ITGAE: variants seen among roughly 807,000 people sequenced by gnomAD.
ITGAE encodes the protein integrin alpha-E.
A neutral mutation model predicts 136.5 loss-of-function variants in ITGAE; 99 were observed. That is an observed-to-expected ratio of 0.73 (90% CI 0.62 to 0.86). ITGAE has a LOEUF of 0.86. Among genes scored for constraint, ITGAE ranks in the 40% least tolerant of loss-of-function variants. The probability of loss-of-function intolerance (pLI) is 0.00; values close to 1 mark genes in which losing one functional copy is unlikely to be tolerated. For synonymous variants in ITGAE, 613 were observed against 591.8 expected (o/e 1.04, Z -0.52); for missense variants, 1,447 against 1,515.3 (o/e 0.95, Z 0.75).
At position 3,727,990 on chromosome 17, in the gene ITGAE, A is replaced by C. The variant is rs774690655; in HGVS notation, c.3013T>G (p.Leu1005Val). ...GENLFGAEYQ[L>V]QICVPTKLRG... ...AATTTGGTTGGGACGCAAATTTGCA[A>C]CTGGTATTCTGCTCCAAAGAGGTTC... The change falls in exon 26 of 31, where the codon TTG (leucine) becomes GTG (valine). Residue 1005 changes from leucine to valine, a missense_variant. Leu to Val is a conservative substitution (Grantham distance 32). Around this residue, in one of 3 missense-constraint regions of ITGAE, gnomAD observed 1,031 missense variants for 1,011.4 expected, o/e 1.02. Coordinates refer to ENST00000263087, the MANE Select transcript of ITGAE (RefSeq NM_002208.5). 5.6e-6 allele frequency: 9 copies of C among 1,614,008 alleles called. No homozygotes were observed. The highest frequency in any genetic ancestry group is 1.7e-6 in the Non-Finnish European group (2 of 1,179,966).
intron 26 of ITGAE, among the ~76,000 whole-genome samples, chr17:3,727,460 C>T (rs1221285328): frequency 6.7e-6 from 1 of 150,290 alleles, no homozygotes; most frequent in East Asian, 1.9e-4. Flanking sequence ...AGTGCAGTGG[C>T]AGGATCTCGG....
intron 17 of ITGAE, among the ~76,000 whole-genome samples, chr17:3,746,286 A>T (rs2051711791): frequency 6.6e-6 from 1 of 151,556 alleles, no homozygotes; most frequent in Non-Finnish European, 1.5e-5. Flanking sequence ...TGCGGAGAAA[A>T]ACCCCAGGAC....
chr17:3,744,909 C>G (rs191040861), intron 18 of ITGAE, among the ~76,000 whole-genome samples: 2 of 152,318 alleles, frequency 1.3e-5, no homozygotes. Context: ...GCATGATTCT[C>G]TGGTAGAGAA....
chr17:3,725,405 TG>T (rs1455662607), intron 26 of ITGAE: 2 of 1,614,050 alleles, frequency 1.2e-6, no homozygotes, highest in Non-Finnish European at 1.7e-6. Flanking sequence ...GTGAGAAGAT[TG>T]GGGAAGGGGT....
chr17:3,773,034 T>G (rs1287806409), intron 2 of ITGAE, among the ~76,000 whole-genome samples: 2 of 152,198 alleles, frequency 1.3e-5, no homozygotes, highest in Non-Finnish European at 2.9e-5. Flanking sequence ...CCCACAAGAC[T>G]GCTCCTAACT....
chr17:3,779,652 A>G (rs1251367509), intron 1 of ITGAE, among the ~76,000 whole-genome samples: 1 of 152,192 alleles, frequency 6.6e-6, no homozygotes, highest in Non-Finnish European at 1.5e-5. Context: ...AAAATGCATC[A>G]AAATATAAGA....
Position 3,747,967 on chromosome 17 carries a change from G to A in ITGAE, c.2110C>T (p.Arg704Cys), listed in dbSNP as rs189112267. Residue 704 changes from arginine to cysteine, a missense_variant, in exon 17 of 31, where the codon CGT becomes TGT. Arg to Cys is a radical substitution (Grantham distance 180, BLOSUM62 -3). Around this residue, in one of 3 missense-constraint regions of ITGAE, gnomAD observed 1,031 missense variants for 1,011.4 expected, o/e 1.02. Transcript: ENST00000263087. ...PIGFNGVVNV[R>C]LCFEISSVTT... is the part of the protein sequence containing the mutation. The stretch of plus-strand genomic sequence containing the variant: ...ACAGAGCTGATTTCAAAACATAAAC[G>A]GACATTCACGACGCCGTTGAAGCCG... The A allele has an allele frequency of 4.2e-5, 67 of 1,612,042 alleles. No individual in the cohort carries two copies. Among genetic ancestry groups the A allele is most frequent in the Middle Eastern group, 1.7e-4 (1 of 6,044 alleles).
At chr17:3,762,460 G>GGTA (rs1484214100) in intron 3 of ITGAE, among the ~76,000 whole-genome samples, 1 of 152,034 alleles carries the variant, frequency 6.6e-6, no homozygotes, top group Non-Finnish European at 1.5e-5. Flanking sequence ...GGGCAGAAAT[G>GGTA]GTAGCTCCTT....
intron 1 of ITGAE, among the ~76,000 whole-genome samples, chr17:3,785,170 G>C (rs2052754250): frequency 6.6e-6 from 1 of 151,588 alleles, no homozygotes; most frequent in Admixed American, 6.6e-5. Context: ...AAAAAAGAAA[G>C]AAAGGGAAGA....
At chr17:3,743,659 G>C in intron 18 of ITGAE, 42 bp from the exon 19 acceptor site, 1 of 1,577,534 alleles carries the variant, frequency 6.3e-7, no homozygotes, top group South Asian at 1.2e-5. Context: ...GTTGGATGTG[G>C]GGGAGAAGAT....
At chr17:3,800,127 A>G (rs1407203889) in intron 1 of ITGAE, among the ~76,000 whole-genome samples, 2 of 152,208 alleles carry the variant, frequency 1.3e-5, no homozygotes, top group Admixed American at 1.3e-4. Context: ...AAAAAATAAA[A>G]TAAAATAAAA....
intron 1 of ITGAE, among the ~76,000 whole-genome samples, chr17:3,787,691 T>C (rs925800099): frequency 2.3e-4 from 32 of 137,958 alleles, no homozygotes; most frequent in Non-Finnish European, 4.3e-4. Context: ...TGGTTTTCTC[T>C]TTTTTTTTTT....
chr17:3,748,387 A>C (rs556713150), intron 16 of ITGAE, among the ~76,000 whole-genome samples: 42 of 152,294 alleles, frequency 2.8e-4, no homozygotes, highest in African/African-American at 9.4e-4. Flanking sequence ...GGGGTTCGAG[A>C]CCAGCCTGGC....
intron 2 of ITGAE, among the ~76,000 whole-genome samples, chr17:3,775,251 C>T (rs558460515): frequency 6.6e-6 from 1 of 152,210 alleles, no homozygotes; most frequent in South Asian, 2.1e-4. Context: ...ACCTGCCAAC[C>T]TTTGTATATT....
intron 1 of ITGAE, among the ~76,000 whole-genome samples, chr17:3,797,028 A>G (rs1028566352): frequency 1.3e-5 from 2 of 149,394 alleles, no homozygotes; most frequent in African/African-American, 5.0e-5. Flanking sequence ...AGCCTCATCA[A>G]CTCCACCCCA....
intron 11 of ITGAE, 108 bp from the exon 12 acceptor site, chr17:3,755,369 G>C: frequency 7.7e-7 from 1 of 1,293,950 alleles, no homozygotes. Flanking sequence ...GGAGCAGGGG[G>C]GCGTTCGGTG....
chr17:3,786,382 C>T (rs980721375), intron 1 of ITGAE, among the ~76,000 whole-genome samples: 7 of 152,094 alleles, frequency 4.6e-5, no homozygotes, highest in Middle Eastern at 6.8e-3. Context: ...TTTTTCCAAA[C>T]ATTTAAAGAG....
chr17:3,761,681 A>G (rs220470), intron 4 of ITGAE, among the ~76,000 whole-genome samples, 161 bp from the exon 5 acceptor site: 107,047 of 152,142 alleles, frequency 0.7, 39,056 homozygotes, highest in African/African-American at 0.83. Context: ...CAGTGTTGGC[A>G]TCAAGGCCGA....
chr17:3,777,000 G>A (rs918040129), intron 2 of ITGAE, among the ~76,000 whole-genome samples: 6 of 141,578 alleles, frequency 4.2e-5, no homozygotes, highest in African/African-American at 1.1e-4. Context: ...TCGCTCTGTC[G>A]CCCAGGCTGG....
Sources: allele counts gnomAD v4.1 joint callset (sites outside exome capture counted in the v4.1 genomes callset), GRCh38; gene constraint gnomAD v4.1.1; regional missense constraint gnomAD v4.1.1; transcripts MANE v1.5; gene names NCBI Gene and HGNC (gene_info 2026-07-23, HGNC 2026-07-21).